The following MMP23B variants were observed in gnomAD, a reference collection of about 807,000 sequenced individuals.
The protein encoded by MMP23B is matrix metalloproteinase-23.
A neutral mutation model predicts 17.3 loss-of-function variants in MMP23B; 8 were observed. That is an observed-to-expected ratio of 0.46 (90% CI 0.27 to 0.83). The LOEUF (loss-of-function observed/expected upper bound fraction) is 0.83, where lower values mean the gene tolerates loss of function less well. MMP23B is among the 40% of genes least tolerant of loss of function. The pLI, the probability that MMP23B is intolerant of heterozygous loss-of-function variation, is 0.14. For synonymous variants in MMP23B, 86 were observed against 116.5 expected (o/e 0.74, Z 1.69); for missense variants, 154 against 246.2 (o/e 0.63, Z 2.51).
rs1639068529 is a variant in MMP23B at position 1,634,302 on chromosome 1, G to A, written c.972G>A (p.Lys324=). 1.3e-5 allele frequency: 8 copies of A among 612,138 alleles called. No individual in the cohort carries two copies. Among genetic ancestry groups the A allele is most frequent in the East Asian group, 7.1e-5 (2 of 28,044 alleles). The allele number at this position is 612,138 out of a possible 1,614,324, so 37.9% of individuals were successfully genotyped here. A position where few individuals can be genotyped will look rare whatever the true frequency, so the allele number is the denominator to read the frequency against. ...GRNVTFRCGQ[K]ILHKKGKVYW... is the part of the protein sequence containing the mutation. ...ACGTGACCTTCCGCTGCGGCCAGAA[G>A]ATCCTCCACAAGAAAGGGAAAGTGT... is the stretch of plus-strand genomic sequence containing the variant. The change falls in exon 7 of 8, where the codon AAG becomes AAA. Residue 324 remains lysine, a synonymous_variant. Coordinates refer to ENST00000356026, the MANE Select transcript of MMP23B (RefSeq NM_006983.2).
chr1:1,632,438 T>C lies in MMP23B; in HGVS notation c.156+64T>C, dbSNP rs372140112. 1,023 of 1,271,374 alleles carry C rather than the reference T, an allele frequency of 8.0e-4. 13 individuals are homozygous for C. The East Asian group carries it at 8.8e-3, about 11-fold the overall frequency. 78.8% of individuals were successfully genotyped at this position (1,271,374 alleles called of 1,614,324 possible). Reference sequence around the variant, plus strand: ...GGTCCTCACGTCTGTGGGTCTGGTCTATCGGGGGGCCCGCAGGACGTGTGC... The same window carrying C: ...GGTCCTCACGTCTGTGGGTCTGGTCCATCGGGGGGCCCGCAGGACGTGTGC... On this transcript the variant is annotated intron_variant, in intron 1 of 7. Transcript: ENST00000356026.
rs1168869026 is a variant in MMP23B at position 1,632,324 on chromosome 1, C to G, written c.106C>G (p.Leu36Val). The change falls in exon 1 of 8, where the codon CTG becomes GTG. Residue 36 changes from leucine (L) to valine (V), a missense_variant. This residue lies in a region of MMP23B where 129 missense variants were observed against 83.5 expected (regional missense o/e 1.54). Coordinates refer to ENST00000356026, the MANE Select transcript of MMP23B (RefSeq NM_006983.2). ...VALCLLPALVLLARLGAPAVP... is the reference protein window; with the variant it reads ...VALCLLPALVVLARLGAPAVP... ...CCTGTGCCTCCTCCCCGCGCTGGTG[C>G]TGCTGGCCCGGCTGGGGGCCCCGGC... The G allele has an allele frequency of 7.0e-7, 1 of 1,428,266 alleles. No individual in the cohort carries two copies. Among genetic ancestry groups the G allele is most frequent in the Non-Finnish European group, 9.1e-7 (1 of 1,098,414 alleles). 88.5% of individuals were successfully genotyped at this position (1,428,266 alleles called of 1,614,324 possible). A position where few individuals can be genotyped will look rare whatever the true frequency, so the allele number is the denominator to read the frequency against.
intron 1 of MMP23B, 35 bp downstream of exon 1, chr1:1,632,409 G>A (rs1399567044): frequency 7.3e-7 from 1 of 1,369,756 alleles, no homozygotes; most frequent in African/African-American, 1.5e-5. Context: ...TGCCGGGTTG[G>A]GGGGGTCCTC....
chr1:1,632,225 C>T lies in MMP23B; in HGVS notation c.7C>T (p.Arg3Cys), dbSNP rs1376578471. MGRGARVPSEAPG... is the reference protein window; with the variant it reads MGCGARVPSEAPG... ...GCCCCACAGCAAGTCTGCCATGGGC[C>T]GCGGGGCCCGTGTCCCCTCGGAGGC... is the stretch of plus-strand genomic sequence containing the variant. Residue 3 changes from arginine (R) to cysteine (C), a missense_variant, in exon 1 of 8, where the codon CGC (arginine) becomes TGC (cysteine). By Grantham distance (180) the Arg-to-Cys change is radical (BLOSUM62 -3). Around this residue, in one of 4 missense-constraint regions of MMP23B, gnomAD observed 129 missense variants for 83.5 expected, o/e 1.54. Transcript: ENST00000356026. 7 of 1,326,166 alleles carry T rather than the reference C, an allele frequency of 5.3e-6. No individual in the cohort carries two copies. The highest frequency in any genetic ancestry group is 1.5e-5 in the African/African-American group (1 of 64,792). The allele number at this position is 1,326,166 out of a possible 1,614,324, so 82.1% of individuals were successfully genotyped here.
At chr1:1,632,545 G>A (rs1042810412) in intron 1 of MMP23B, among the ~76,000 whole-genome samples, 171 bp downstream of exon 1, 3 of 149,394 alleles carry the variant, frequency 2.0e-5, no homozygotes, top group Non-Finnish European at 4.5e-5. Flanking sequence ...TTGTTGGGAG[G>A]GGTGGGAGGC....
rs919724272 is a variant in MMP23B, at chr1:1,632,392, G to A, written c.156+18G>A. ...CAGCGCAGGTGAGCGGCGGGGGGGA[G>A]GCCAGGTGCCGGGTTGGGGGGGTCC... is the stretch of plus-strand genomic sequence containing the variant. On this transcript the variant is annotated intron_variant, in intron 1 of 7. Coordinates refer to ENST00000356026, the MANE Select transcript of MMP23B (RefSeq NM_006983.2). 4.3e-6 allele frequency: 6 copies of A among 1,379,464 alleles called. No individual in the cohort carries two copies. In the African/African-American group the frequency reaches 6.1e-5, roughly 14 times the overall value. The allele number at this position is 1,379,464 out of a possible 1,614,324, so 85.5% of individuals were successfully genotyped here.
At position 1,632,488 on chromosome 1, in the gene MMP23B, C is replaced by A; in HGVS notation, c.156+114C>A. The A allele has an allele frequency of 1.0e-5, 9 of 899,278 alleles. No individual in the cohort carries two copies. In the South Asian group the frequency reaches 1.2e-4, roughly 12 times the overall value. The allele number at this position is 899,278 out of a possible 1,614,324, so 55.7% of individuals were successfully genotyped here. A position where few individuals can be genotyped will look rare whatever the true frequency, so the allele number is the denominator to read the frequency against. On this transcript the variant is annotated intron_variant, in intron 1 of 7. Transcript: ENST00000356026. ...CGGGGTGTGCGGGGTGTTTGAGGGT[C>A]CGGATGTGCGTCCCGAGGTCGGAGG...
At chr1:1,632,447 G>T in intron 1 of MMP23B, 73 bp downstream of exon 1, 2 of 1,243,264 alleles carry the variant, frequency 1.6e-6, no homozygotes, top group Non-Finnish European at 2.2e-6. Flanking sequence ...CTATCGGGGG[G>T]CCCGCAGGAC....
At position 1,634,339 on chromosome 1, in the gene MMP23B, G is replaced by A. The variant is rs1384505653; in HGVS notation, c.998+11G>A. On this transcript the variant is annotated intron_variant, in intron 7 of 7. Transcript: ENST00000356026. ...GAAAGGGAAAGTGTAGTGAGTGAGC[G>A]CCCCGGGCGGTCCTCGGGGTGGGCA... 1.8e-5 allele frequency: 14 copies of A among 760,110 alleles called. 1 individual carries two copies. The highest frequency in any genetic ancestry group is 6.2e-5 in the African/African-American group (3 of 48,758). 47.1% of individuals were successfully genotyped at this position (760,110 alleles called of 1,614,324 possible). A position where few individuals can be genotyped will look rare whatever the true frequency, so the allele number is the denominator to read the frequency against.
At position 1,632,447 on chromosome 1, in the gene MMP23B, G is replaced by A. The variant is rs955981840; in HGVS notation, c.156+73G>A. The stretch of plus-strand genomic sequence containing the variant: ...GTCTGTGGGTCTGGTCTATCGGGGG[G>A]CCCGCAGGACGTGTGCGGGGTGTGC... On this transcript the variant is annotated intron_variant, in intron 1 of 7. Transcript: ENST00000356026. 27 of 1,243,262 alleles carry A rather than the reference G, an allele frequency of 2.2e-5. No individual in the cohort carries two copies. In the South Asian group the frequency reaches 2.5e-4, roughly 12 times the overall value. 77.0% of individuals were successfully genotyped at this position (1,243,262 alleles called of 1,614,324 possible). A position where few individuals can be genotyped will look rare whatever the true frequency, so the allele number is the denominator to read the frequency against.
Position 1,632,174 on chromosome 1 carries a change from C to A in MMP23B, c.-45C>A. Reference sequence around the variant, plus strand: ...GGAGGCTCTGCGGCCCGGGCCCCCGCGCCTTGCTGCCCCATGCAGCCCTGA... The same window carrying A: ...GGAGGCTCTGCGGCCCGGGCCCCCGAGCCTTGCTGCCCCATGCAGCCCTGA... On this transcript the variant is annotated 5_prime_UTR_variant, in exon 1 of 8. Coordinates refer to ENST00000356026, the MANE Select transcript of MMP23B (RefSeq NM_006983.2). 8.1e-7 allele frequency: 1 copy of A among 1,237,284 alleles called. No individual in the cohort carries two copies. Among genetic ancestry groups the A allele is most frequent in the African/African-American group, 1.6e-5 (1 of 64,022 alleles). 76.6% of individuals were successfully genotyped at this position (1,237,284 alleles called of 1,614,324 possible).
In MMP23B at chr1:1,632,400, GC is replaced by G. The variant is rs1639026927; in HGVS notation, c.156+28del. On this transcript the variant is annotated intron_variant, in intron 1 of 7. Coordinates refer to ENST00000356026, the MANE Select transcript of MMP23B (RefSeq NM_006983.2). ...GTGAGCGGCGGGGGGGAGGCCAGGTGCCGGGTTGGGGGGGTCCTCACGTCTG... is the reference window on the plus strand; with the variant it reads ...GTGAGCGGCGGGGGGGAGGCCAGGTGCGGGTTGGGGGGGTCCTCACGTCTG... 3 of 1,372,042 alleles carry G rather than the reference GC, an allele frequency of 2.2e-6. No individual in the cohort carries two copies. In the Admixed American group the frequency reaches 1.0e-4, roughly 47 times the overall value. 85.0% of individuals were successfully genotyped at this position (1,372,042 alleles called of 1,614,324 possible). A position where few individuals can be genotyped will look rare whatever the true frequency, so the allele number is the denominator to read the frequency against.
In MMP23B at chr1:1,632,313, C is replaced by A. The variant is rs1639019947; in HGVS notation, c.95C>A (p.Pro32His). 2.8e-6 allele frequency: 4 copies of A among 1,433,602 alleles called. No homozygotes were observed. In the South Asian group the frequency reaches 5.7e-5, roughly 21 times the overall value. 88.8% of individuals were successfully genotyped at this position (1,433,602 alleles called of 1,614,324 possible). A position where few individuals can be genotyped will look rare whatever the true frequency, so the allele number is the denominator to read the frequency against. Residue 32 changes from proline to histidine, a missense_variant, in exon 1 of 8, where the codon CCC becomes CAC. Physicochemically the swap from Pro to His is moderately conservative, Grantham distance 77. Around this residue, in one of 4 missense-constraint regions of MMP23B, gnomAD observed 129 missense variants for 83.5 expected, o/e 1.54. Transcript: ENST00000356026. ...GAALVALCLL[P>H]ALVLLARLGA... ...GCGCTGGTCGCCCTGTGCCTCCTCCCCGCGCTGGTGCTGCTGGCCCGGCTG... is the reference window on the plus strand; with the variant it reads ...GCGCTGGTCGCCCTGTGCCTCCTCCACGCGCTGGTGCTGCTGGCCCGGCTG...
Position 1,632,318 on chromosome 1 carries a change from C to A in MMP23B, c.100C>A (p.Leu34Met). The A allele has an allele frequency of 7.0e-7, 1 of 1,431,442 alleles. No homozygotes were observed. The highest frequency in any genetic ancestry group is 3.0e-5 in the East Asian group (1 of 33,326). The allele number at this position is 1,431,442 out of a possible 1,614,324, so 88.7% of individuals were successfully genotyped here. A position where few individuals can be genotyped will look rare whatever the true frequency, so the allele number is the denominator to read the frequency against. Residue 34 changes from leucine (L) to methionine (M), a missense_variant, in exon 1 of 8, where the codon CTG (leucine) becomes ATG (methionine). By Grantham distance (15) the Leu-to-Met change is conservative. This residue lies in a region of MMP23B where 129 missense variants were observed against 83.5 expected (regional missense o/e 1.54). Coordinates refer to ENST00000356026, the MANE Select transcript of MMP23B (RefSeq NM_006983.2). ...ALVALCLLPA[L>M]VLLARLGAPA... ...GGTCGCCCTGTGCCTCCTCCCCGCGCTGGTGCTGCTGGCCCGGCTGGGGGC... is the reference window on the plus strand; with the variant it reads ...GGTCGCCCTGTGCCTCCTCCCCGCGATGGTGCTGCTGGCCCGGCTGGGGGC...
rs1639020843 is a variant in MMP23B at position 1,632,321 on chromosome 1, G to A, written c.103G>A (p.Val35Met). ...CGCCCTGTGCCTCCTCCCCGCGCTG[G>A]TGCTGCTGGCCCGGCTGGGGGCCCC... The part of the protein sequence containing the change: ...LVALCLLPAL[V>M]LLARLGAPAV... The change falls in exon 1 of 8, where the codon GTG becomes ATG. Residue 35 changes from valine (V) to methionine (M), a missense_variant. By Grantham distance (21) the Val-to-Met change is conservative (BLOSUM62 1). Coordinates refer to ENST00000356026, the MANE Select transcript of MMP23B (RefSeq NM_006983.2). 4 of 1,432,234 alleles carry A rather than the reference G, an allele frequency of 2.8e-6. No homozygotes were observed. Among genetic ancestry groups the A allele is most frequent in the Non-Finnish European group, 3.6e-6 (4 of 1,099,664 alleles). The allele number at this position is 1,432,234 out of a possible 1,614,324, so 88.7% of individuals were successfully genotyped here.
chr1:1,634,407 G>C lies in MMP23B; in HGVS notation c.999-44G>C, dbSNP rs1639076360. 5.9e-6 allele frequency: 7 copies of C among 1,184,724 alleles called. 1 individual carries two copies. The highest frequency in any genetic ancestry group is 5.4e-5 in the East Asian group (1 of 18,374). 73.4% of individuals were successfully genotyped at this position (1,184,724 alleles called of 1,614,324 possible). A position where few individuals can be genotyped will look rare whatever the true frequency, so the allele number is the denominator to read the frequency against. ...GGGCAGGGGTGCGGGGCAGGCAGCC[G>C]GGGGGGGGGCTGTGCCTGCAGGAGA... On this transcript the variant is annotated intron_variant, in intron 7 of 7. Coordinates refer to ENST00000356026, the MANE Select transcript of MMP23B (RefSeq NM_006983.2).
chr1:1,632,314 C>T lies in MMP23B; in HGVS notation c.96C>T (p.Pro32=), dbSNP rs1232864754. ...CGCTGGTCGCCCTGTGCCTCCTCCC[C>T]GCGCTGGTGCTGCTGGCCCGGCTGG... ...GAALVALCLL[P]ALVLLARLGA... The change falls in exon 1 of 8, where the codon CCC becomes CCT. Residue 32 remains proline, a synonymous_variant. Coordinates refer to ENST00000356026, the MANE Select transcript of MMP23B (RefSeq NM_006983.2). The T allele has an allele frequency of 2.1e-6, 3 of 1,432,472 alleles. No homozygotes were observed. In the South Asian group the frequency reaches 4.3e-5, roughly 21 times the overall value. 88.7% of individuals were successfully genotyped at this position (1,432,472 alleles called of 1,614,324 possible). A position where few individuals can be genotyped will look rare whatever the true frequency, so the allele number is the denominator to read the frequency against.
chr1:1,632,225 C>A lies in MMP23B; in HGVS notation c.7C>A (p.Arg3Ser). 7.5e-7 allele frequency: 1 copy of A among 1,326,274 alleles called. No homozygotes were observed. The highest frequency in any genetic ancestry group is 1.5e-5 in the African/African-American group (1 of 64,910). The allele number at this position is 1,326,274 out of a possible 1,614,324, so 82.2% of individuals were successfully genotyped here. The change falls in exon 1 of 8, where the codon CGC becomes AGC. Residue 3 changes from arginine to serine, a missense_variant. Physicochemically the swap from Arg to Ser is moderately radical, Grantham distance 110. This residue lies in a region of MMP23B where 129 missense variants were observed against 83.5 expected (regional missense o/e 1.54). Transcript: ENST00000356026. ...GCCCCACAGCAAGTCTGCCATGGGC[C>A]GCGGGGCCCGTGTCCCCTCGGAGGC... MG[R>S]GARVPSEAPG...
At chr1:1,632,458 G>T in intron 1 of MMP23B, 84 bp downstream of exon 1, 1 of 1,063,730 alleles carries the variant, frequency 9.4e-7, no homozygotes, top group Non-Finnish European at 1.3e-6. Context: ...CCCGCAGGAC[G>T]TGTGCGGGGT....
Sources: gnomAD v4.1 joint callset for allele counts (sites outside exome capture counted in the v4.1 genomes callset) on GRCh38, gnomAD v4.1.1 for gene constraint, gnomAD v4.1.1 regional missense constraint, MANE v1.5 for transcripts, NCBI Gene and HGNC (gene_info 2026-07-23, HGNC 2026-07-21) for gene names.